Variants in ARL15 observed in about 807,000 individuals in gnomAD.
ARL15 encodes ADP-ribosylation factor-like protein 15.
ARL15 carries 19 observed loss-of-function variants against 25.2 expected under a neutral mutation model. That is an observed-to-expected ratio of 0.75 (90% confidence interval 0.53 to 1.10). The LOEUF is 1.10. Ranked by LOEUF, ARL15 falls within the 50% of genes least tolerant of loss-of-function variation. The pLI, the probability that ARL15 is intolerant of heterozygous loss-of-function variation, is 0.00. For missense variants in ARL15, 220 were observed against 246.0 expected (o/e 0.89, Z 0.71); for synonymous variants, 94 against 86.8 (o/e 1.08, Z -0.46).
At chr5:54,035,158 A>G (rs1750130923) in intron 4 of ARL15, among the ~76,000 whole-genome samples, 1 of 152,222 alleles carries the variant, frequency 6.6e-6, no homozygotes, top group East Asian at 1.9e-4. Context: ...GTTCAGAGAC[A>G]TACTGAATCA....
intron 1 of ARL15, among the ~76,000 whole-genome samples, chr5:54,261,135 A>G (rs541298718): frequency 2.0e-5 from 3 of 152,334 alleles, no homozygotes; most frequent in Non-Finnish European, 4.4e-5. Flanking sequence ...TTGTAGACCC[A>G]GTAAGAGACA....
At position 53,885,768 on chromosome 5, in the gene ARL15, T is replaced by C. The variant is rs567034854; in HGVS notation, c.*793A>G. 3 of 152,312 alleles carry C rather than the reference T, an allele frequency of 2.0e-5. No individual in the cohort carries two copies. The highest frequency in any genetic ancestry group is 4.4e-5 in the Non-Finnish European group (3 of 68,022). 9.4% of individuals were successfully genotyped at this position (152,312 alleles called of 1,614,324 possible). ...TTTAGAAAAAGATACCTATGTTACA[T>C]TGCAGCTTCACTTTATGCAGGCTCA... On this transcript the variant is annotated 3_prime_UTR_variant, in exon 5 of 5. Transcript: ENST00000504924.
intron 1 of ARL15, among the ~76,000 whole-genome samples, chr5:54,203,868 T>A (rs549909955): frequency 3.2e-4 from 48 of 152,248 alleles, no homozygotes; most frequent in Admixed American, 2.2e-3. Flanking sequence ...AGGACTTATT[T>A]ATTCAAAGAT....
intron 4 of ARL15, among the ~76,000 whole-genome samples, chr5:54,025,262 T>TA (rs1375386595): frequency 7.1e-6 from 1 of 141,128 alleles, no homozygotes; most frequent in Non-Finnish European, 1.5e-5. Context: ...ACACATATGA[T>TA]ATGATTGCAG....
intron 4 of ARL15, among the ~76,000 whole-genome samples, chr5:54,098,938 G>T (rs1261039583): frequency 6.6e-6 from 1 of 152,182 alleles, no homozygotes; most frequent in African/African-American, 2.4e-5. Flanking sequence ...ATTTAAATCT[G>T]AGAGTAAGAG....
At chr5:54,169,712 G>A (rs1407095757) in intron 2 of ARL15, among the ~76,000 whole-genome samples, 1 of 152,188 alleles carries the variant, frequency 6.6e-6, no homozygotes. Context: ...CCAAGATGGG[G>A]AGATGGGCAC....
intron 1 of ARL15, among the ~76,000 whole-genome samples, chr5:54,235,894 TAATC>T (rs905501893): frequency 2.0e-5 from 3 of 152,186 alleles, no homozygotes; most frequent in African/African-American, 7.2e-5. Flanking sequence ...TAATTCAAAA[TAATC>T]AAATATGGAA....
chr5:53,977,334 A>G (rs980481833), intron 4 of ARL15, among the ~76,000 whole-genome samples: 11 of 150,190 alleles, frequency 7.3e-5, no homozygotes, highest in Non-Finnish European at 1.5e-4. Context: ...CAGCCTGAGC[A>G]ACAGAGTGAG....
Position 54,177,191 on chromosome 5 carries a change from G to C in ARL15, c.49-5263C>G, listed in dbSNP as rs571070467. On this transcript the variant is annotated intron_variant, in intron 1 of 4. Transcript: ENST00000504924. The stretch of plus-strand genomic sequence containing the variant: ...CAGTGTATCTACTATATTATGTCAG[G>C]ACACAGGATGTTTCCCCATTCTGTG... Among the ~76,000 whole-genome samples the C allele has an allele frequency of 5.0e-4, 76 of 152,246 alleles. 1 individual carries two copies. The highest frequency in any genetic ancestry group is 7.8e-4 in the Non-Finnish European group (53 of 68,024).
chr5:53,931,620 G>A (rs534516786), intron 4 of ARL15, among the ~76,000 whole-genome samples: 1 of 152,078 alleles, frequency 6.6e-6, no homozygotes. Flanking sequence ...CTCATCTTTG[G>A]CACCTTTACT....
At chr5:53,948,414 C>T (rs1746821610) in intron 4 of ARL15, among the ~76,000 whole-genome samples, 1 of 152,138 alleles carries the variant, frequency 6.6e-6, no homozygotes, top group Non-Finnish European at 1.5e-5. Flanking sequence ...GTAAAATTTG[C>T]CCTGATGTCT....
At chr5:54,152,401 C>T (rs958557170) in intron 3 of ARL15, among the ~76,000 whole-genome samples, 1 of 152,072 alleles carries the variant, frequency 6.6e-6, no homozygotes, top group African/African-American at 2.4e-5. Context: ...AGTACCTAGC[C>T]TCAAAAAATA....
chr5:54,094,067 C>G (rs1178052614), intron 4 of ARL15, among the ~76,000 whole-genome samples: 1 of 152,120 alleles, frequency 6.6e-6, no homozygotes, highest in Non-Finnish European at 1.5e-5. Flanking sequence ...CCTAGAGACA[C>G]AGTGGTTCTC....
chr5:53,929,399 G>A (rs1170918331), intron 4 of ARL15, among the ~76,000 whole-genome samples: 4 of 152,126 alleles, frequency 2.6e-5, no homozygotes, highest in African/African-American at 7.2e-5. Context: ...CAGAAGTCAC[G>A]ATAATTGTGT....
intron 4 of ARL15, among the ~76,000 whole-genome samples, chr5:54,063,704 CA>C (rs2112039926): frequency 6.6e-6 from 1 of 152,082 alleles, no homozygotes; most frequent in East Asian, 1.9e-4. Context: ...TTTTTTCACC[CA>C]AAGGGTTTGC....
At chr5:54,058,024 T>G (rs1435210761) in intron 4 of ARL15, among the ~76,000 whole-genome samples, 6 of 145,542 alleles carry the variant, frequency 4.1e-5, no homozygotes, top group Admixed American at 1.4e-4. Flanking sequence ...TTATTTTTTT[T>G]GACAAAGTCT....
chr5:54,080,307 C>T (rs963570201), intron 4 of ARL15, among the ~76,000 whole-genome samples: 4 of 152,180 alleles, frequency 2.6e-5, no homozygotes, highest in South Asian at 4.1e-4. Context: ...CAAAAGACAT[C>T]GCTGCTACGC....
chr5:54,255,269 A>G (rs958101335), intron 1 of ARL15, among the ~76,000 whole-genome samples: 1 of 152,170 alleles, frequency 6.6e-6, no homozygotes, highest in African/African-American at 2.4e-5. Flanking sequence ...GTTTAAAAGG[A>G]AAGTGCCAGA....
chr5:54,161,687 C>T (rs1212749437), intron 2 of ARL15, among the ~76,000 whole-genome samples: 1 of 152,256 alleles, frequency 6.6e-6, no homozygotes, highest in East Asian at 1.9e-4. Flanking sequence ...CTAAGAGGGA[C>T]AGCCATATGC....
Sources: gnomAD v4.1 joint callset for allele counts (sites outside exome capture counted in the v4.1 genomes callset) on GRCh38, gnomAD v4.1.1 for gene constraint, MANE v1.5 for transcripts, NCBI Gene and HGNC (gene_info 2026-07-23, HGNC 2026-07-21) for gene names.